The following PPP1R16B variants were observed in gnomAD, a reference collection of about 807,000 sequenced individuals.
PPP1R16B encodes the protein protein phosphatase 1 regulatory inhibitor subunit 16B.
PPP1R16B carries 14 observed loss-of-function variants against 61.7 expected under a neutral mutation model. The ratio of observed to expected loss-of-function variants is 0.23; its 90% CI spans 0.15 to 0.35. The LOEUF (loss-of-function observed/expected upper bound fraction) is 0.35, where lower values mean the gene tolerates loss of function less well. Ranked by LOEUF, PPP1R16B falls within the 10% of genes least tolerant of loss-of-function variation. The probability of loss-of-function intolerance (pLI) is 1.00; values close to 1 mark genes in which losing one functional copy is unlikely to be tolerated. For missense variants in PPP1R16B, 547 were observed against 752.5 expected, an observed-to-expected ratio of 0.73 and a Z score of 3.19; for synonymous variants, 266 against 305.3, an observed-to-expected ratio of 0.87 and a Z score of 1.34.
intron 2 of PPP1R16B, among the ~76,000 whole-genome samples, chr20:38,876,644 T>A (rs936295253): frequency 1.3e-5 from 2 of 152,080 alleles, no homozygotes; most frequent in African/African-American, 4.8e-5. Context: ...CCAAACAAAA[T>A]GGTTTGTATT....
chr20:38,879,126 G>A (rs1048625965), intron 2 of PPP1R16B, among the ~76,000 whole-genome samples: 2 of 152,214 alleles, frequency 1.3e-5, no homozygotes, highest in Non-Finnish European at 2.9e-5. Context: ...AATCAGTAAA[G>A]AACAGGGGCC....
intron 2 of PPP1R16B, among the ~76,000 whole-genome samples, chr20:38,845,800 T>C (rs1199330633): frequency 3.3e-5 from 5 of 152,350 alleles, no homozygotes; most frequent in Non-Finnish European, 7.3e-5. Flanking sequence ...AGGGGAATCA[T>C]GTGATGAGAT....
At chr20:38,850,258 A>G (rs1213556399) in intron 2 of PPP1R16B, among the ~76,000 whole-genome samples, 2 of 152,170 alleles carry the variant, frequency 1.3e-5, no homozygotes, top group East Asian at 3.8e-4. Context: ...AAGCAATGCT[A>G]TGATTGGTCT....
intron 7 of PPP1R16B, among the ~76,000 whole-genome samples, chr20:38,906,295 T>G (rs1418499539): frequency 7.9e-5 from 10 of 126,432 alleles, no homozygotes; most frequent in Non-Finnish European, 1.4e-4. Context: ...TTTTTTTTTT[T>G]TTTTTTTTTT....
At chr20:38,911,627 C>T (rs1270173700) in intron 10 of PPP1R16B, among the ~76,000 whole-genome samples, 1 of 151,808 alleles carries the variant, frequency 6.6e-6, no homozygotes, top group African/African-American at 2.4e-5. Context: ...ACCTCTGCCT[C>T]CCAGGATCAA....
intron 2 of PPP1R16B, among the ~76,000 whole-genome samples, chr20:38,884,452 C>T (rs2085227937): frequency 6.6e-6 from 1 of 152,192 alleles, no homozygotes; most frequent in African/African-American, 2.4e-5. Flanking sequence ...GCCATACAGT[C>T]TCTGTTGTAC....
chr20:38,906,001 G>A lies in PPP1R16B; in HGVS notation c.729G>A (p.Arg243=), dbSNP rs140879260. The A allele has an allele frequency of 1.2e-5, 20 of 1,613,474 alleles. No homozygotes were observed. Among genetic ancestry groups the A allele is most frequent in the Middle Eastern group, 1.6e-4 (1 of 6,084 alleles). ...LHIAGANGYL[R]AAELLLDHGV... ...TAGCTGGAGCCAATGGATACCTGCG[G>A]GCAGCTGAGCTCCTCCTGGACCATG... is the stretch of plus-strand genomic sequence containing the variant. The change falls in exon 7 of 11, where the codon CGG becomes CGA. Residue 243 remains arginine, a synonymous_variant. Transcript: ENST00000299824.
chr20:38,825,605 G>A (rs1293162002), intron 1 of PPP1R16B, among the ~76,000 whole-genome samples: 1 of 152,138 alleles, frequency 6.6e-6, no homozygotes, highest in Non-Finnish European at 1.5e-5. Flanking sequence ...CCTAGGATGG[G>A]TTATTGGAAA....
chr20:38,911,327 C>T (rs1480398423), intron 10 of PPP1R16B, among the ~76,000 whole-genome samples: 2 of 150,782 alleles, frequency 1.3e-5, no homozygotes. Flanking sequence ...CCATCACGCC[C>T]AGCTAATTTT....
intron 1 of PPP1R16B, 23 bp from the exon 2 acceptor site, chr20:38,835,802 C>T: frequency 8.7e-7 from 1 of 1,155,520 alleles, no homozygotes; most frequent in East Asian, 2.6e-5. Flanking sequence ...ATGTGTTCAT[C>T]TGTGTCTCCC....
At chr20:38,843,315 T>A (rs1195094702) in intron 2 of PPP1R16B, among the ~76,000 whole-genome samples, 1 of 152,260 alleles carries the variant, frequency 6.6e-6, no homozygotes, top group Admixed American at 6.5e-5. Flanking sequence ...TCACACAATT[T>A]CTGTGGCTCA....
intron 2 of PPP1R16B, among the ~76,000 whole-genome samples, chr20:38,839,346 G>T (rs536538581): frequency 1.3e-5 from 2 of 152,206 alleles, no homozygotes; most frequent in African/African-American, 4.8e-5. Flanking sequence ...GTACCAGCAC[G>T]GTGATAACGC....
chr20:38,839,031 G>A (rs1377205650), intron 2 of PPP1R16B, among the ~76,000 whole-genome samples: 1 of 152,308 alleles, frequency 6.6e-6, no homozygotes, highest in African/African-American at 2.4e-5. Flanking sequence ...GGGTTCAAGC[G>A]ATTCTCCTGC....
intron 2 of PPP1R16B, among the ~76,000 whole-genome samples, chr20:38,845,279 C>T (rs2084930367): frequency 6.6e-6 from 1 of 152,008 alleles, no homozygotes; most frequent in African/African-American, 2.4e-5. Flanking sequence ...AGTTTGTGTA[C>T]ATTTAAAAAA....
intron 2 of PPP1R16B, among the ~76,000 whole-genome samples, chr20:38,881,407 C>G: frequency 6.6e-6 from 1 of 152,174 alleles, no homozygotes; most frequent in East Asian, 1.9e-4. Flanking sequence ...GGCCCTTTGG[C>G]GTTATCAGAG....
In PPP1R16B at chr20:38,806,062, T is replaced by C. The variant is rs946873353; in HGVS notation, c.-102+270T>C. ...TGACGAGGCCAGGGGAGGGGGCGCA[T>C]TGGCAGGTTGTTGGCTGCGGCCGTC... On this transcript the variant is annotated intron_variant, in intron 1 of 10. Coordinates refer to ENST00000299824, the MANE Select transcript of PPP1R16B (RefSeq NM_015568.4). The surrounding 1 kb of genome is among the most constrained non-coding windows in gnomAD (Gnocchi z 4.5). 6.6e-4 allele frequency among the ~76,000 whole-genome samples: 99 copies of C among 150,880 alleles called. 1 individual carries two copies. Among genetic ancestry groups the C allele is most frequent in the Non-Finnish European group, 6.8e-4 (46 of 67,632 alleles).
At chr20:38,862,472 C>T (rs76512571) in intron 2 of PPP1R16B, among the ~76,000 whole-genome samples, 1 of 152,132 alleles carries the variant, frequency 6.6e-6, no homozygotes, top group East Asian at 1.9e-4. Context: ...CCCGACACAA[C>T]CCTACCACCT....
chr20:38,830,414 C>G (rs938520478), intron 1 of PPP1R16B, among the ~76,000 whole-genome samples: 1 of 152,242 alleles, frequency 6.6e-6, no homozygotes, highest in Non-Finnish European at 1.5e-5. Flanking sequence ...TTTGCCAACA[C>G]TAAACGCCAT....
chr20:38,837,634 C>T (rs1360194043), intron 2 of PPP1R16B, among the ~76,000 whole-genome samples: 1 of 151,556 alleles, frequency 6.6e-6, no homozygotes, highest in African/African-American at 2.4e-5. Context: ...CAACCTCTGC[C>T]TCCCAGGTTC....
Sources: allele counts gnomAD v4.1 joint callset (sites outside exome capture counted in the v4.1 genomes callset), GRCh38; gene constraint gnomAD v4.1.1; non-coding constraint Gnocchi (gnomAD v3.1); transcripts MANE v1.5; gene names NCBI Gene and HGNC (gene_info 2026-07-23, HGNC 2026-07-21).